BANK1: variants seen among roughly 807,000 people sequenced by gnomAD.
BANK1 encodes B cell scaffold protein with ankyrin repeats 1.
BANK1 carries 95 observed loss-of-function variants against 94.5 expected under a neutral mutation model. The ratio of observed to expected loss-of-function variants is 1.00; its 90% CI spans 0.85 to 1.19. The LOEUF (loss-of-function observed/expected upper bound fraction) is 1.19. Ranked by LOEUF, BANK1 falls within the 50% of genes most tolerant of loss-of-function variation. The pLI, the probability that BANK1 is intolerant of heterozygous loss-of-function variation, is 0.00. For synonymous variants in BANK1, 334 were observed against 308.4 expected, an observed-to-expected ratio of 1.08 and a Z score of -0.87; for missense variants, 987 against 932.2, an observed-to-expected ratio of 1.06 and a Z score of -0.77.
chr4:101,874,334 A>C (rs1164582080), intron 5 of BANK1, among the ~76,000 whole-genome samples: 2 of 152,132 alleles, frequency 1.3e-5, no homozygotes, highest in East Asian at 3.9e-4. Flanking sequence ...CTGAAAGGTT[A>C]ATTTCTTCAT....
chr4:102,060,872 T>C (rs1728397104), intron 12 of BANK1, among the ~76,000 whole-genome samples: 1 of 152,204 alleles, frequency 6.6e-6, no homozygotes, highest in Non-Finnish European at 1.5e-5. Flanking sequence ...TGTTCAAATA[T>C]TAAGTTAAAA....
At chr4:101,965,123 C>A (rs1474842179) in intron 7 of BANK1, among the ~76,000 whole-genome samples, 1 of 151,718 alleles carries the variant, frequency 6.6e-6, no homozygotes, top group Non-Finnish European at 1.5e-5. Flanking sequence ...GCATAGTATT[C>A]CATGGTGTAT....
intron 5 of BANK1, among the ~76,000 whole-genome samples, chr4:101,874,007 C>T (rs1728397549): frequency 6.6e-6 from 1 of 152,058 alleles, no homozygotes; most frequent in Non-Finnish European, 1.5e-5. Flanking sequence ...TAGTAGGATC[C>T]TTTTCAGTAA....
At chr4:101,934,654 T>C (rs955233806) in intron 7 of BANK1, among the ~76,000 whole-genome samples, 9 of 151,424 alleles carry the variant, frequency 5.9e-5, no homozygotes, top group African/African-American at 9.7e-5. Context: ...AGCTGGAACA[T>C]AACCAAACAA....
chr4:101,816,617 T>A (rs998391115), intron 1 of BANK1, among the ~76,000 whole-genome samples: 1 of 151,510 alleles, frequency 6.6e-6, no homozygotes, highest in South Asian at 2.1e-4. Context: ...CAGATGTATG[T>A]TGAGGGAGGA....
chr4:101,861,632 G>C (rs1013082215), intron 3 of BANK1, among the ~76,000 whole-genome samples: 1 of 151,984 alleles, frequency 6.6e-6, no homozygotes, highest in African/African-American at 2.4e-5. Context: ...TCCTAAAAGA[G>C]AAAAAGAAAT....
At chr4:102,029,577 TTAAA>T (rs1357358981) in intron 9 of BANK1, among the ~76,000 whole-genome samples, 1 of 148,072 alleles carries the variant, frequency 6.8e-6, no homozygotes, top group East Asian at 1.9e-4. Flanking sequence ...ATTTTATACA[TTAAA>T]TATTTATATA....
intron 11 of BANK1, among the ~76,000 whole-genome samples, chr4:102,055,518 A>G (rs1728197848): frequency 1.3e-5 from 2 of 152,026 alleles, no homozygotes; most frequent in African/African-American, 4.8e-5. Context: ...TCTAAAATAA[A>G]ACGTGTAATT....
At chr4:101,839,298 A>T (rs1456273728) in intron 2 of BANK1, among the ~76,000 whole-genome samples, 1 of 152,140 alleles carries the variant, frequency 6.6e-6, no homozygotes, top group Non-Finnish European at 1.5e-5. Flanking sequence ...TTCAGGAACT[A>T]TATTCATTAA....
At chr4:101,832,839 C>G (rs1726673086) in intron 2 of BANK1, among the ~76,000 whole-genome samples, 1 of 151,950 alleles carries the variant, frequency 6.6e-6, no homozygotes, top group Non-Finnish European at 1.5e-5. Context: ...TGGTTTTCTC[C>G]TTTCCTCTTT....
intron 6 of BANK1, among the ~76,000 whole-genome samples, chr4:101,913,595 G>A (rs755380309): frequency 2.0e-5 from 3 of 152,036 alleles, no homozygotes; most frequent in Non-Finnish European, 4.4e-5. Context: ...CTAGCCCACA[G>A]CCCTAGATAA....
At chr4:101,862,434 T>C in intron 3 of BANK1, 92 bp from the exon 4 acceptor site, 2 of 984,336 alleles carry the variant, frequency 2.0e-6, no homozygotes, top group Non-Finnish European at 2.9e-6. Flanking sequence ...TCAATAATAG[T>C]GTATTACCTT....
At chr4:101,797,227 A>G (rs1374981620) in intron 1 of BANK1, among the ~76,000 whole-genome samples, 1 of 152,210 alleles carries the variant, frequency 6.6e-6, no homozygotes. Context: ...AATTAAGTCC[A>G]ATGATGTCAG....
chr4:101,826,382 GAGGAAAACATT>G (rs1726365749), intron 1 of BANK1, among the ~76,000 whole-genome samples: 1 of 152,014 alleles, frequency 6.6e-6, no homozygotes, highest in South Asian at 2.1e-4. Context: ...TCTGTAAAAT[GAGGAAAACATT>G]AGTACTTACT....
At chr4:101,941,388 G>A (rs947631622) in intron 7 of BANK1, among the ~76,000 whole-genome samples, 1 of 151,698 alleles carries the variant, frequency 6.6e-6, no homozygotes, top group African/African-American at 2.4e-5. Flanking sequence ...CTGCTACTAG[G>A]TATTACCTCT....
At chr4:101,810,931 G>T (rs914309069) in intron 1 of BANK1, among the ~76,000 whole-genome samples, 1 of 152,058 alleles carries the variant, frequency 6.6e-6, no homozygotes, top group Non-Finnish European at 1.5e-5. Flanking sequence ...ACTGCTGTAC[G>T]TATCAATGAT....
chr4:101,901,473 C>T (rs185914214), intron 6 of BANK1, among the ~76,000 whole-genome samples: 9 of 152,238 alleles, frequency 5.9e-5, no homozygotes, highest in Admixed American at 5.9e-4. Flanking sequence ...TACCTTTTCC[C>T]TATTTTAAGC....
At chr4:101,910,336 A>C (rs1482462544) in intron 6 of BANK1, among the ~76,000 whole-genome samples, 3 of 152,190 alleles carry the variant, frequency 2.0e-5, no homozygotes, top group African/African-American at 4.8e-5. Flanking sequence ...GACATATATC[A>C]AATTAAAGTC....
intron 1 of BANK1, among the ~76,000 whole-genome samples, chr4:101,793,199 T>C (rs1373720192): frequency 6.6e-6 from 1 of 152,218 alleles, no homozygotes; most frequent in African/African-American, 2.4e-5. Context: ...TGGATGCTTA[T>C]ACTTGTAAGG....
Sources: gnomAD v4.1 joint callset for allele counts (sites outside exome capture counted in the v4.1 genomes callset) on GRCh38, gnomAD v4.1.1 for gene constraint, MANE v1.5 for transcripts, NCBI Gene and HGNC (gene_info 2026-07-23, HGNC 2026-07-21) for gene names.